The following TRNAU1AP variants were observed in gnomAD, a reference collection of about 807,000 sequenced individuals.
TRNAU1AP encodes tRNA selenocysteine 1-associated protein 1.
A neutral mutation model predicts 43.3 loss-of-function variants in TRNAU1AP; 33 were observed. The observed-to-expected ratio is 0.76, with a 90% CI of 0.58 to 1.02. The LOEUF is 1.02. TRNAU1AP is among the 50% of genes least tolerant of loss of function. The probability of loss-of-function intolerance (pLI) is 0.00; values close to 1 mark genes in which losing one functional copy is unlikely to be tolerated. For missense variants in TRNAU1AP, 290 were observed against 362.7 expected (o/e 0.80, Z 1.63); for synonymous variants, 143 against 129.1 (o/e 1.11, Z -0.73).
At chr1:28,574,278 G>C (rs1247603316) in intron 8 of TRNAU1AP, among the ~76,000 whole-genome samples, 1 of 151,996 alleles carries the variant, frequency 6.6e-6, no homozygotes, top group Non-Finnish European at 1.5e-5. Flanking sequence ...AGTAGAGACA[G>C]GGTTTCAGCA....
At position 28,561,343 on chromosome 1, in the gene TRNAU1AP, C is replaced by T; in HGVS notation, c.226-3C>T. 1.2e-6 allele frequency: 2 copies of T among 1,614,080 alleles called. No homozygotes were observed. Among genetic ancestry groups the T allele is most frequent in the South Asian group, 1.1e-5 (1 of 91,064 alleles). Reference sequence around the variant, plus strand: ...TTTAGTTTGTTTGTTTTTCAACTTCCAGGCGAAACGTTTTAAACTGAACTA... The same window carrying T: ...TTTAGTTTGTTTGTTTTTCAACTTCTAGGCGAAACGTTTTAAACTGAACTA... On this transcript the variant is annotated splice_region_variant and splice_polypyrimidine_tract_variant and intron_variant, in intron 3 of 8. Coordinates refer to ENST00000373830, the MANE Select transcript of TRNAU1AP (RefSeq NM_017846.5).
chr1:28,554,658 C>T (rs1037766867), intron 2 of TRNAU1AP, among the ~76,000 whole-genome samples: 1 of 151,610 alleles, frequency 6.6e-6, no homozygotes, highest in African/African-American at 2.4e-5. Flanking sequence ...CTGGCTAACA[C>T]GGTGAAACCC....
intron 7 of TRNAU1AP, 81 bp from the exon 8 acceptor site, chr1:28,571,786 A>AAAAATAAATAAAT: frequency 9.9e-7 from 1 of 1,008,558 alleles, no homozygotes; most frequent in Non-Finnish European, 1.5e-6. Flanking sequence ...CCACCTCAAA[A>AAAAATAAATAAAT]AAAATAAAAA....
intron 8 of TRNAU1AP, among the ~76,000 whole-genome samples, chr1:28,574,230 G>A (rs1665725725): frequency 6.6e-6 from 1 of 151,948 alleles, no homozygotes; most frequent in African/African-American, 2.4e-5. Context: ...TGGGATTACA[G>A]GCATGCACCA....
At chr1:28,567,076 A>C (rs1665558235) in intron 5 of TRNAU1AP, among the ~76,000 whole-genome samples, 1 of 152,184 alleles carries the variant, frequency 6.6e-6, no homozygotes, top group Non-Finnish European at 1.5e-5. Context: ...ATTCCTGCAG[A>C]TATTAGAATT....
Position 28,575,587 on chromosome 1 carries a change from C to T in TRNAU1AP, c.728-1913C>T, listed in dbSNP as rs533571634. 5.3e-5 allele frequency among the ~76,000 whole-genome samples: 8 copies of T among 150,834 alleles called. No homozygotes were observed. In the South Asian group the frequency reaches 1.3e-3, roughly 24 times the overall value. On this transcript the variant is annotated intron_variant, in intron 8 of 8. Transcript: ENST00000373830. ...AAGTGATTCTTCTGCCTCAGCCTCC[C>T]GAGTAGCTGGGATTACAGGCATGCG...
rs569239651 is a variant in TRNAU1AP, at chr1:28,573,347, T to C, written c.727+1447T>C. Among the ~76,000 whole-genome samples, 5 of 149,168 alleles carry C rather than the reference T, an allele frequency of 3.4e-5. No homozygotes were observed. The East Asian group carries it at 1.0e-3, about 31-fold the overall frequency. ...CCCAGCCCATTATTAATTTTTTAAT[T>C]AAAAATATTTAAGCCTTGCACGGTG... On this transcript the variant is annotated intron_variant, in intron 8 of 8. Transcript: ENST00000373830.
Position 28,577,706 on chromosome 1 carries a change from A to G in TRNAU1AP, c.*70A>G. 2 of 1,471,504 alleles carry G rather than the reference A, an allele frequency of 1.4e-6. No individual in the cohort carries two copies. Among genetic ancestry groups the G allele is most frequent in the East Asian group, 4.7e-5 (2 of 42,410 alleles). 91.2% of individuals were successfully genotyped at this position (1,471,504 alleles called of 1,614,324 possible). On this transcript the variant is annotated 3_prime_UTR_variant, in exon 9 of 9. Coordinates refer to ENST00000373830, the MANE Select transcript of TRNAU1AP (RefSeq NM_017846.5). ...GAGACTCCTTTTTAAAAATTGTGAA[A>G]CCTTTTTGGAAATATGATTTGTAAG...
chr1:28,553,714 A>AATT lies in TRNAU1AP; in HGVS notation c.105_107dup (p.Ile36dup), dbSNP rs1468776243. 2 of 1,614,162 alleles carry AATT rather than the reference A, an allele frequency of 1.2e-6. No individual in the cohort carries two copies. Among genetic ancestry groups the AATT allele is most frequent in the African/African-American group, 2.7e-5 (2 of 75,048 alleles). On this transcript the variant is annotated inframe_insertion, in exon 2 of 9. Transcript: ENST00000373830. ...TGGGGGAGACCGTAATGAGCGTCAAAATTATCCGAAACCGCCTCACTGGGT... is the reference window on the plus strand; with the variant it reads ...TGGGGGAGACCGTAATGAGCGTCAAAATTATTATCCGAAACCGCCTCACTGGGT...
At chr1:28,573,095 C>T (rs1314854579) in intron 8 of TRNAU1AP, among the ~76,000 whole-genome samples, 6 of 139,152 alleles carry the variant, frequency 4.3e-5, no homozygotes, top group South Asian at 2.2e-4. Flanking sequence ...AATGCAGTGG[C>T]GCAATCTCAT....
At chr1:28,574,759 C>T (rs1371618137) in intron 8 of TRNAU1AP, 2 of 152,110 alleles carry the variant, frequency 1.3e-5, no homozygotes, top group Non-Finnish European at 1.5e-5. Flanking sequence ...TTTGAGGATT[C>T]GTCTTCAAGA....
chr1:28,553,578 T>C, intron 1 of TRNAU1AP, 62 bp from the exon 2 acceptor site: 1 of 1,525,934 alleles, frequency 6.6e-7, no homozygotes, highest in Non-Finnish European at 9.0e-7. Context: ...GGAGGGGCTC[T>C]GGAACCCGGA....
chr1:28,557,930 C>T (rs1056071359), intron 2 of TRNAU1AP, among the ~76,000 whole-genome samples: 28 of 148,202 alleles, frequency 1.9e-4, no homozygotes, highest in Non-Finnish European at 3.4e-4. Flanking sequence ...GGCAGAGTCT[C>T]TGTCGCCCAG....
In TRNAU1AP at chr1:28,564,791, T is replaced by C; in HGVS notation, c.367T>C (p.Cys123Arg). Residue 123 changes from cysteine to arginine, a missense_variant, in exon 5 of 9, where the codon TGT (cysteine) becomes CGT (arginine). By Grantham distance (180) the Cys-to-Arg change is radical (BLOSUM62 -3). Around this residue, in one of 3 missense-constraint regions of TRNAU1AP, gnomAD observed 174 missense variants for 262.1 expected, o/e 0.66. Transcript: ENST00000373830. Reference sequence around the variant, plus strand: ...ATTCTTCGTCAAAGTCTACCCCTCCTGTCGGGGAGGCAAGGTGGTTTTGGA... The same window carrying C: ...ATTCTTCGTCAAAGTCTACCCCTCCCGTCGGGGAGGCAAGGTGGTTTTGGA... Reference protein sequence around the residue: ...YEFFVKVYPSCRGGKVVLDQT... With the variant: ...YEFFVKVYPSRRGGKVVLDQT... The C allele has an allele frequency of 6.2e-7, 1 of 1,614,136 alleles. No individual in the cohort carries two copies. Among genetic ancestry groups the C allele is most frequent in the Non-Finnish European group, 8.5e-7 (1 of 1,180,002 alleles).
chr1:28,571,973 CT>C, intron 8 of TRNAU1AP, 73 bp downstream of exon 8: 2 of 1,304,774 alleles, frequency 1.5e-6, no homozygotes, highest in Non-Finnish European at 2.2e-6. Context: ...GTGCTCTCAG[CT>C]AGAGGGAAGA....
intron 8 of TRNAU1AP, among the ~76,000 whole-genome samples, chr1:28,576,160 T>TG (rs978050014): frequency 2.7e-5 from 4 of 149,260 alleles, no homozygotes; most frequent in African/African-American, 9.9e-5. Context: ...TGCCCAGTTT[T>TG]TTTTTTTTTT....
chr1:28,578,135 G>C lies in TRNAU1AP; in HGVS notation c.*499G>C, dbSNP rs1665846778. On this transcript the variant is annotated 3_prime_UTR_variant, in exon 9 of 9. Transcript: ENST00000373830. ...GAATGTGGTGGGGTGTGATGGAACA[G>C]GCCAGTTGGCCTAAGAATTAGTACT... The C allele has an allele frequency of 6.3e-6, 1 of 158,520 alleles. No homozygotes were observed. The highest frequency in any genetic ancestry group is 1.4e-5 in the Non-Finnish European group (1 of 71,968). 9.8% of individuals were successfully genotyped at this position (158,520 alleles called of 1,614,324 possible). A position where few individuals can be genotyped will look rare whatever the true frequency, so the allele number is the denominator to read the frequency against.
At position 28,563,398 on chromosome 1, in the gene TRNAU1AP, A is replaced by T. The variant is rs906392927; in HGVS notation, c.279-1305A>T. ...CCCCGTCTCTACTAAAAATACAAAA[A>T]TTGGCTGGGCGTGGTGGCTTACACC... On this transcript the variant is annotated intron_variant, in intron 4 of 8. Coordinates refer to ENST00000373830, the MANE Select transcript of TRNAU1AP (RefSeq NM_017846.5). 5.8e-4 allele frequency among the ~76,000 whole-genome samples: 88 copies of T among 151,836 alleles called. 1 individual carries two copies. The highest frequency in any genetic ancestry group is 1.1e-3 in the Non-Finnish European group (73 of 67,948).
Position 28,554,222 on chromosome 1 carries a change from A to AAAC in TRNAU1AP, c.125+487_125+488insCAA, listed in dbSNP as rs1553121338. On this transcript the variant is annotated intron_variant, in intron 2 of 8. Coordinates refer to ENST00000373830, the MANE Select transcript of TRNAU1AP (RefSeq NM_017846.5). ...TCAAAAAAAAAAAAAACAAAAAAACAAAAAACGCAGGACTCAAGCGAGACT... is the reference window on the plus strand; with the variant it reads ...TCAAAAAAAAAAAAAACAAAAAAACAAACAAAAACGCAGGACTCAAGCGAGACT... 2.9e-3 allele frequency among the ~76,000 whole-genome samples: 417 copies of AAAC among 142,694 alleles called. 9 individuals are homozygous for AAAC. Among genetic ancestry groups the AAAC allele is most frequent in the African/African-American group, 0.01 (358 of 34,256 alleles). The allele number at this position is 142,694 out of a possible 152,430, so 93.6% of individuals were successfully genotyped here.
Sources: allele counts gnomAD v4.1 joint callset (sites outside exome capture counted in the v4.1 genomes callset), GRCh38; gene constraint gnomAD v4.1.1; regional missense constraint gnomAD v4.1.1; transcripts MANE v1.5; gene names NCBI Gene and HGNC (gene_info 2026-07-23, HGNC 2026-07-21).